The following PCDH7 variants were observed in gnomAD, a reference collection of about 807,000 sequenced individuals.
The protein encoded by PCDH7 is protocadherin-7.
PCDH7 carries 17 observed loss-of-function variants against 58.9 expected under a neutral mutation model. The observed-to-expected ratio is 0.29, with a 90% confidence interval of 0.20 to 0.43. The LOEUF (loss-of-function observed/expected upper bound fraction) is 0.43. Among genes scored for constraint, PCDH7 ranks in the 20% least tolerant of loss-of-function variants. The probability of loss-of-function intolerance (pLI) is 1.00; values close to 1 mark genes in which losing one functional copy is unlikely to be tolerated. For synonymous variants in PCDH7, 664 were observed against 616.4 expected (o/e 1.08, Z -1.14); for missense variants, 1,274 against 1,441.0 (o/e 0.88, Z 1.88).
intron 1 of PCDH7, among the ~76,000 whole-genome samples, chr4:30,906,841 G>A (rs1740997357): frequency 6.6e-6 from 1 of 152,002 alleles, no homozygotes; most frequent in South Asian, 2.1e-4. Context: ...TGGCCAACAT[G>A]GTGAAACCCT....
rs188023080 is a variant in PCDH7, at chr4:31,006,952, T to C, written c.*7+56737T>C. ...GACCTTATAGAATGGCAGAAAATGATCTATTACATATAGCTATTTTAACAG... is the reference window on the plus strand; with the variant it reads ...GACCTTATAGAATGGCAGAAAATGACCTATTACATATAGCTATTTTAACAG... On this transcript the variant is annotated intron_variant, in intron 3 of 3. Coordinates refer to the PCDH7 transcript ENST00000509759. Among the ~76,000 whole-genome samples the C allele has an allele frequency of 2.5e-3, 371 of 151,204 alleles. 1 individual carries two copies. Among genetic ancestry groups the C allele is most frequent in the Non-Finnish European group, 4.5e-3 (307 of 67,860 alleles).
At chr4:30,951,384 C>T (rs191463876) in intron 3 of PCDH7, among the ~76,000 whole-genome samples, 12 of 152,158 alleles carry the variant, frequency 7.9e-5, no homozygotes, top group African/African-American at 2.9e-4. Context: ...AAATGTATGG[C>T]TTTCTATTAG....
intron 3 of PCDH7, among the ~76,000 whole-genome samples, chr4:31,045,132 C>T (rs993603393): frequency 3.5e-5 from 5 of 142,852 alleles, no homozygotes; most frequent in Admixed American, 2.7e-4. Context: ...ATGGTGGTGA[C>T]ACAGAAATTA....
chr4:30,903,331 A>G (rs1740476073), intron 1 of PCDH7, among the ~76,000 whole-genome samples: 5 of 152,166 alleles, frequency 3.3e-5, no homozygotes, highest in African/African-American at 7.2e-5. Context: ...TTAGGCTCCA[A>G]TCAGGATTCA....
At chr4:30,911,433 C>T (rs575620332) in intron 1 of PCDH7, among the ~76,000 whole-genome samples, 1 of 151,456 alleles carries the variant, frequency 6.6e-6, no homozygotes, top group South Asian at 2.1e-4. Flanking sequence ...GTGGCAGAGA[C>T]CTATGGCCCA....
intron 3 of PCDH7, among the ~76,000 whole-genome samples, chr4:30,988,326 T>A (rs1161056817): frequency 6.6e-6 from 1 of 152,174 alleles, no homozygotes; most frequent in Non-Finnish European, 1.5e-5. Context: ...ATAATTAGAC[T>A]CAGAATATTG....
Position 30,794,862 on chromosome 4 carries a change from G to A in PCDH7, c.70+70266G>A, listed in dbSNP as rs117991464. Among the ~76,000 whole-genome samples, 625 of 152,150 alleles carry A rather than the reference G, an allele frequency of 4.1e-3. 5 individuals are homozygous for A. The East Asian group carries it at 0.056, about 14-fold the overall frequency. On this transcript the variant is annotated intron_variant, in intron 1 of 3. Transcript: ENST00000509759. ...AAAGATGTGTTACCTACATTTCTCT[G>A]TAGTTTGATGGCATGAATATCATTA... is the stretch of plus-strand genomic sequence containing the variant.
At chr4:30,886,204 A>C (rs1333098660) in intron 1 of PCDH7, among the ~76,000 whole-genome samples, 1 of 149,528 alleles carries the variant, frequency 6.7e-6, no homozygotes, top group Non-Finnish European at 1.5e-5. Flanking sequence ...AATGGGAGAA[A>C]ATTTTCACAA....
intron 1 of PCDH7, among the ~76,000 whole-genome samples, chr4:30,853,027 T>C (rs1428266897): frequency 6.6e-6 from 1 of 151,942 alleles, no homozygotes; most frequent in Non-Finnish European, 1.5e-5. Context: ...TTACGGTAGA[T>C]CCATGTTATT....
chr4:31,019,279 A>G (rs1753841242), intron 3 of PCDH7, among the ~76,000 whole-genome samples: 1 of 152,220 alleles, frequency 6.6e-6, no homozygotes, highest in Non-Finnish European at 1.5e-5. Context: ...AGTTATATTT[A>G]TTAACATAAG....
intron 3 of PCDH7, among the ~76,000 whole-genome samples, chr4:31,055,847 G>T (rs1252250813): frequency 6.6e-6 from 1 of 152,038 alleles, no homozygotes; most frequent in Non-Finnish European, 1.5e-5. Flanking sequence ...AAAGTGCTAG[G>T]ATTACAGGCC....
Position 30,721,872 on chromosome 4 carries a change from C to T in PCDH7, c.450C>T (p.Leu150=), listed in dbSNP as rs1242766916. The T allele has an allele frequency of 1.0e-5, 16 of 1,602,690 alleles. No homozygotes were observed. The Admixed American group carries it at 2.7e-4, about 27-fold the overall frequency. The change falls in exon 1 of 2, where the codon CTC becomes CTT. Residue 150 remains leucine (L), a synonymous_variant. Coordinates refer to ENST00000361762, the Ensembl canonical transcript of PCDH7. The surrounding 1 kb of genome is among the most constrained non-coding windows in gnomAD (Gnocchi z 6.7). ...CCTTCCCGTCGCCCGTGCTCACGCT[C>T]ACGGTGGAGGAGAATCGGCCGGTGG...
chr4:30,769,502 T>C, intron 1 of PCDH7, among the ~76,000 whole-genome samples: 1 of 152,304 alleles, frequency 6.6e-6, no homozygotes, highest in Admixed American at 6.5e-5. Flanking sequence ...AAGATGAAAT[T>C]TCTCCATGCA....
At chr4:31,049,293 C>A (rs1446643742) in intron 3 of PCDH7, among the ~76,000 whole-genome samples, 1 of 151,894 alleles carries the variant, frequency 6.6e-6, no homozygotes, top group Admixed American at 6.6e-5. Context: ...GGCAGGCAAG[C>A]AAAAGTGAGA....
At chr4:30,816,947 G>A (rs911034323) in intron 1 of PCDH7, among the ~76,000 whole-genome samples, 1 of 152,146 alleles carries the variant, frequency 6.6e-6, no homozygotes, top group Non-Finnish European at 1.5e-5. Context: ...AGTTAGCATA[G>A]TATCTATTCT....
chr4:31,087,018 A>G (rs1302785016), intron 3 of PCDH7, among the ~76,000 whole-genome samples: 2 of 152,170 alleles, frequency 1.3e-5, no homozygotes, highest in Non-Finnish European at 2.9e-5. Flanking sequence ...CTGGAAACAA[A>G]ATCACAATAG....
intron 3 of PCDH7, among the ~76,000 whole-genome samples, chr4:31,111,304 ATTTTTTT>A (rs201052911): frequency 7.0e-6 from 1 of 142,014 alleles, no homozygotes; most frequent in African/African-American, 2.6e-5. Flanking sequence ...ATTTGTTACA[ATTTTTTT>A]TTTTTTTTTT....
chr4:30,956,024 A>T (rs960449600), intron 3 of PCDH7, among the ~76,000 whole-genome samples: 1 of 150,914 alleles, frequency 6.6e-6, no homozygotes, highest in Non-Finnish European at 1.5e-5. Flanking sequence ...CTCTACTGAA[A>T]ATACAAAAAC....
At chr4:31,142,367 T>G in intron 3 of PCDH7, 106 bp from the exon 3 acceptor site, 1 of 1,042,228 alleles carries the variant, frequency 9.6e-7, no homozygotes. Context: ...AAATGAGAAA[T>G]AAGATGGTAA....
Sources: allele counts gnomAD v4.1 joint callset (sites outside exome capture counted in the v4.1 genomes callset), GRCh38; gene constraint gnomAD v4.1.1; non-coding constraint Gnocchi (gnomAD v3.1); transcripts MANE v1.5; gene names NCBI Gene and HGNC (gene_info 2026-07-23, HGNC 2026-07-21).